PCNT: variants seen among roughly 807,000 people sequenced by gnomAD.
The protein encoded by PCNT is kendrin.
A neutral mutation model predicts 380.4 loss-of-function variants in PCNT; 319 were observed. The ratio of observed to expected loss-of-function variants is 0.84; its 90% CI spans 0.77 to 0.92. PCNT has a LOEUF of 0.92. Among genes scored for constraint, PCNT ranks in the 40% least tolerant of loss-of-function variants. The probability of loss-of-function intolerance (pLI) is 0.00; values close to 1 mark genes in which losing one functional copy is unlikely to be tolerated. For missense variants in PCNT, 4,400 were observed against 4,255.3 expected, an observed-to-expected ratio of 1.03 and a Z score of -0.95; for synonymous variants, 1,845 against 1,735.2, an observed-to-expected ratio of 1.06 and a Z score of -1.57.
At chr21:46,395,793 A>G (rs1225059013) in intron 21 of PCNT, among the ~76,000 whole-genome samples, 3 of 151,884 alleles carry the variant, frequency 2.0e-5, no homozygotes, top group Admixed American at 6.6e-5. Flanking sequence ...AGGATTCGGC[A>G]GCAGAGACTC....
intron 2 of PCNT, among the ~76,000 whole-genome samples, chr21:46,334,022 T>G (rs373893623): frequency 6.6e-6 from 1 of 151,842 alleles, no homozygotes; most frequent in Non-Finnish European, 1.5e-5. Flanking sequence ...TTGGCTAACA[T>G]GGTGAAACCC....
At chr21:46,380,679 G>A (rs1601897763) in intron 15 of PCNT, among the ~76,000 whole-genome samples, 1 of 152,074 alleles carries the variant, frequency 6.6e-6, no homozygotes, top group Non-Finnish European at 1.5e-5. Flanking sequence ...TGTTCTTATG[G>A]ACACTCAGCC....
chr21:46,365,366 TGATC>T (rs1569204370), intron 14 of PCNT, among the ~76,000 whole-genome samples: 1 of 140,622 alleles, frequency 7.1e-6, no homozygotes, highest in Non-Finnish European at 1.6e-5. Context: ...CGTGGGGTTC[TGATC>T]ACTGCCGTGG....
At chr21:46,326,623 G>T (rs751880480) in intron 2 of PCNT, 34 bp downstream of exon 2, 3 of 1,587,724 alleles carry the variant, frequency 1.9e-6, no homozygotes, top group East Asian at 4.5e-5. Context: ...TGAACATTTC[G>T]CTTATCTTCT....
intron 29 of PCNT, 116 bp from the exon 30 acceptor site, chr21:46,415,953 T>C (rs2087009961): frequency 1.1e-6 from 1 of 898,728 alleles, no homozygotes; most frequent in Non-Finnish European, 1.8e-6. Context: ...GCAGGGCTCA[T>C]TGTGGAATCA....
In PCNT at chr21:46,389,379, T is replaced by A; in HGVS notation, c.3788T>A (p.Leu1263His). Residue 1263 changes from leucine to histidine, a missense_variant, in exon 19 of 47, where the codon CTC (leucine) becomes CAC (histidine). Coordinates refer to ENST00000359568, the MANE Select transcript of PCNT (RefSeq NM_006031.6). Reference sequence around the variant, plus strand: ...CCCATCCGGAGGGTCTTCCAGAGCCTCAGCCTGGCCGTGGACGGCCTCATG... The same window carrying A: ...CCCATCCGGAGGGTCTTCCAGAGCCACAGCCTGGCCGTGGACGGCCTCATG... The part of the protein sequence containing the change: ...EQPIRRVFQS[L>H]SLAVDGLMEM... 6.2e-7 allele frequency: 1 copy of A among 1,614,182 alleles called. No homozygotes were observed. The highest frequency in any genetic ancestry group is 8.5e-7 in the Non-Finnish European group (1 of 1,179,986).
intron 9 of PCNT, 122 bp from the exon 10 acceptor site, chr21:46,352,982 G>T: frequency 1.3e-6 from 1 of 784,004 alleles, no homozygotes. Flanking sequence ...TCCCTCTCCG[G>T]TTCTGGGATG....
At chr21:46,437,125 C>CA in intron 40 of PCNT, 44 bp downstream of exon 40, 1 of 1,282,484 alleles carries the variant, frequency 7.8e-7, no homozygotes, top group Non-Finnish European at 1.1e-6. Flanking sequence ...GCTCCTCCCC[C>CA]AGAGGGGCCC....
chr21:46,375,337 G>A (rs1569218629), intron 15 of PCNT, among the ~76,000 whole-genome samples: 2 of 152,154 alleles, frequency 1.3e-5, no homozygotes, highest in South Asian at 2.1e-4. Context: ...GGTTTAGATA[G>A]CATTTGAATG....
At chr21:46,352,127 CA>C (rs576939452) in intron 9 of PCNT, among the ~76,000 whole-genome samples, 4 of 152,246 alleles carry the variant, frequency 2.6e-5, no homozygotes, top group Non-Finnish European at 5.9e-5. Flanking sequence ...CACCGGCGCC[CA>C]GGTCCACAGG....
intron 41 of PCNT, 118 bp from the exon 42 acceptor site, chr21:46,439,965 G>A: frequency 1.7e-6 from 2 of 1,192,342 alleles, no homozygotes; most frequent in Admixed American, 1.7e-5. Context: ...CAGGTGTGGT[G>A]TGGTCAGCCT....
chr21:46,374,957 C>G (rs902183181), intron 15 of PCNT, among the ~76,000 whole-genome samples: 3 of 152,006 alleles, frequency 2.0e-5, no homozygotes, highest in African/African-American at 7.3e-5. Context: ...TTCCCCGCGG[C>G]GATGCTTTAT....
At chr21:46,326,753 C>T (rs1810806206) in intron 2 of PCNT, among the ~76,000 whole-genome samples, 164 bp downstream of exon 2, 1 of 152,184 alleles carries the variant, frequency 6.6e-6, no homozygotes, top group Admixed American at 6.5e-5. Flanking sequence ...GTGGCTTACG[C>T]CTGTAATCCC....
chr21:46,443,485 C>T (rs2053665554), intron 44 of PCNT, among the ~76,000 whole-genome samples: 1 of 152,212 alleles, frequency 6.6e-6, no homozygotes, highest in South Asian at 2.1e-4. Context: ...CTGAGTCACA[C>T]CTGGTGGTCT....
rs138868039 is a variant in PCNT, at chr21:46,431,865, G to C, written c.8401G>C (p.Val2801Leu). ...GAAGCTGAAGGAGGAGAAGTCCCGGGTGGTGGACTTGCAAGCGATGCTTGA... is the reference window on the plus strand; with the variant it reads ...GAAGCTGAAGGAGGAGAAGTCCCGGCTGGTGGACTTGCAAGCGATGCTTGA... ...LQKLKEEKSR[V>L]VDLQAMLEKV... Residue 2801 changes from valine (V) to leucine (L), a missense_variant, in exon 38 of 47, where the codon GTG (valine) becomes CTG (leucine). Val to Leu is a conservative substitution (Grantham distance 32). Transcript: ENST00000359568. 5.1e-4 allele frequency: 823 copies of C among 1,613,864 alleles called. No individual in the cohort carries two copies. Among genetic ancestry groups the C allele is most frequent in the Non-Finnish European group, 6.6e-4 (777 of 1,179,996 alleles).
At chr21:46,430,998 G>T (rs1325558878) in intron 37 of PCNT, 73 of 985,356 alleles carry the variant, frequency 7.4e-5, no homozygotes, top group Non-Finnish European at 8.6e-5. Flanking sequence ...CAGGCTGGTG[G>T]TGGGGCCTCT....
intron 6 of PCNT, among the ~76,000 whole-genome samples, chr21:46,347,818 C>G (rs2146567678): frequency 1.3e-5 from 2 of 152,322 alleles, no homozygotes; most frequent in Middle Eastern, 6.8e-3. Context: ...AGCCTCTGCC[C>G]TCGTGGATGT....
At chr21:46,348,933 A>T in intron 6 of PCNT, 79 bp from the exon 7 acceptor site, 2 of 988,204 alleles carry the variant, frequency 2.0e-6, no homozygotes, top group African/African-American at 3.2e-5. Flanking sequence ...GCCTGCTCAG[A>T]GGTTTTGACT....
At chr21:46,370,507 G>C (rs1219352242) in intron 15 of PCNT, among the ~76,000 whole-genome samples, 1 of 152,092 alleles carries the variant, frequency 6.6e-6, no homozygotes, top group South Asian at 2.1e-4. Context: ...GAGAGCCTGG[G>C]GGCTGACAGG....
Sources: allele counts gnomAD v4.1 joint callset (sites outside exome capture counted in the v4.1 genomes callset), GRCh38; gene constraint gnomAD v4.1.1; transcripts MANE v1.5; gene names NCBI Gene and HGNC (gene_info 2026-07-23, HGNC 2026-07-21).